The following HERC1 variants were observed in gnomAD, a reference collection of about 807,000 sequenced individuals.
HERC1 encodes the protein HECT and RLD domain containing E3 ubiquitin protein ligase family member 1, also known as probable E3 ubiquitin-protein ligase HERC1.
Under a neutral mutation model 554.3 loss-of-function variants are expected in HERC1, and 160 were observed. That is an observed-to-expected ratio of 0.29 (90% confidence interval 0.25 to 0.33). HERC1 has a LOEUF of 0.33. Among genes scored for constraint, HERC1 ranks in the 10% least tolerant of loss-of-function variants. The probability of loss-of-function intolerance (pLI) is 1.00; values close to 1 mark genes in which losing one functional copy is unlikely to be tolerated. For missense variants in HERC1, 4,919 were observed against 5,918.5 expected, an observed-to-expected ratio of 0.83 and a Z score of 5.54; for synonymous variants, 2,175 against 2,131.7, an observed-to-expected ratio of 1.02 and a Z score of -0.56.
chr15:63,659,845 G>C lies in HERC1; in HGVS notation c.9315C>G (p.Asp3105Glu). ...ELLAGPLGLN[D>E]RRIVPEPVQF... ...GAACTGGTTCTGGTACAATGCGCCG[G>C]TCATTTAAACCAAGCGGTCCAGCAA... The change falls in exon 47 of 78, where the codon GAC (aspartate) becomes GAG (glutamate). Residue 3105 changes from aspartate (D) to glutamate (E), a missense_variant. By Grantham distance (45) the Asp-to-Glu change is conservative. This residue lies in a region of HERC1 where 1,963 missense variants were observed against 2,228.6 expected (regional missense o/e 0.88). Coordinates refer to ENST00000443617, the MANE Select transcript of HERC1 (RefSeq NM_003922.4). The C allele has an allele frequency of 6.2e-7, 1 of 1,613,804 alleles. No homozygotes were observed. The highest frequency in any genetic ancestry group is 8.5e-7 in the Non-Finnish European group (1 of 1,179,768).
At chr15:63,747,583 G>A (rs1164900712) in intron 11 of HERC1, 141 bp downstream of exon 11, 4 of 488,082 alleles carry the variant, frequency 8.2e-6, no homozygotes, top group African/African-American at 7.9e-5. Context: ...CTCTTTTCTA[G>A]ATTATAAAAA....
chr15:63,820,494 T>A (rs557173613), intron 1 of HERC1, among the ~76,000 whole-genome samples: 1 of 152,318 alleles, frequency 6.6e-6, no homozygotes, highest in South Asian at 2.1e-4. Flanking sequence ...TTATTTCCAA[T>A]GCTATCAGTT....
In HERC1 at chr15:63,731,601, A is replaced by C. The variant is rs574587964; in HGVS notation, c.2868+1323T>G. ...AATTTACATTTTTAAATCTGAAAGA[A>C]AAGAATTTTGTAGGAAGAATGTTCA... On this transcript the variant is annotated intron_variant, in intron 14 of 77. Coordinates refer to ENST00000443617, the MANE Select transcript of HERC1 (RefSeq NM_003922.4). Among the ~76,000 whole-genome samples, 4 of 152,336 alleles carry C rather than the reference A, an allele frequency of 2.6e-5. No homozygotes were observed. In the South Asian group the frequency reaches 8.3e-4, roughly 32 times the overall value.
At chr15:63,632,021 T>C (rs1480824870) in intron 68 of HERC1, among the ~76,000 whole-genome samples, 1 of 152,238 alleles carries the variant, frequency 6.6e-6, no homozygotes. Context: ...TCAATCCTTC[T>C]GGAGTTCCAG....
Position 63,665,973 on chromosome 15 carries a change from G to A in HERC1, c.8501C>T (p.Pro2834Leu), listed in dbSNP as rs771777431. The A allele has an allele frequency of 1.2e-6, 2 of 1,613,890 alleles. No homozygotes were observed. The highest frequency in any genetic ancestry group is 2.2e-5 in the East Asian group (1 of 44,900). Reference sequence around the variant, plus strand: ...AGCATCAGCTGATGGTATGTCTCCAGGTGACTGCAAATAACAGGGATCATT... The same window carrying A: ...AGCATCAGCTGATGGTATGTCTCCAAGTGACTGCAAATAACAGGGATCATT... ...KSNDPCYLQS[P>L]GDIPSADAAE... Residue 2834 changes from proline to leucine, a missense_variant, in exon 42 of 78, where the codon CCT becomes CTT. By Grantham distance (98) the Pro-to-Leu change is moderately conservative. Transcript: ENST00000443617.
In HERC1 at chr15:63,753,039, A is replaced by T. The variant is rs997270033; in HGVS notation, c.1821T>A (p.Val607=). 6.2e-7 allele frequency: 1 copy of T among 1,613,210 alleles called. No individual in the cohort carries two copies. The highest frequency in any genetic ancestry group is 1.1e-5 in the South Asian group (1 of 91,010). The stretch of plus-strand genomic sequence containing the variant: ...TGAACATTCCTTGTAAAGCTTCAAT[A>T]ACTTTAGGTTTATACACTCTGTTGG... ...GDTNRVYKPK[V]IEALQGMFIR... Residue 607 remains valine (V), a synonymous_variant, in exon 8 of 78, where the codon GTT becomes GTA. Coordinates refer to ENST00000443617, the MANE Select transcript of HERC1 (RefSeq NM_003922.4).
At position 63,680,405 on chromosome 15, in the gene HERC1, G is replaced by T; in HGVS notation, c.6465+132C>A. The T allele has an allele frequency of 2.9e-6, 3 of 1,038,388 alleles. No individual in the cohort carries two copies. The highest frequency in any genetic ancestry group is 2.6e-5 in the East Asian group (1 of 38,364). The allele number at this position is 1,038,388 out of a possible 1,614,324, so 64.3% of individuals were successfully genotyped here. On this transcript the variant is annotated intron_variant, in intron 35 of 77. Transcript: ENST00000443617. The surrounding 1 kb of genome is among the most constrained non-coding windows in gnomAD (Gnocchi z 5.8). ...TGTTTGTTGTTAATAAATGTTTTAA[G>T]AACCAGAAAGTATTAGAGAGAAAGG... is the stretch of plus-strand genomic sequence containing the variant.
intron 25 of HERC1, among the ~76,000 whole-genome samples, chr15:63,704,303 G>T (rs893559058): frequency 6.6e-6 from 1 of 152,170 alleles, no homozygotes; most frequent in Middle Eastern, 3.2e-3. Context: ...GAAAGATGAA[G>T]ATTCTACTTT....
chr15:63,622,326 CT>C (rs35490295), intron 74 of HERC1, among the ~76,000 whole-genome samples: 2,328 of 117,524 alleles, frequency 0.02, 25 homozygotes, highest in Admixed American at 0.038. Flanking sequence ...TGCCTGTTTC[CT>C]TTTTTTTTTT....
intron 1 of HERC1, among the ~76,000 whole-genome samples, chr15:63,782,588 A>C (rs2076319169): frequency 6.6e-6 from 1 of 152,200 alleles, no homozygotes. Context: ...ATGCCTACTA[A>C]ACACAACATC....
intron 44 of HERC1, 60 bp downstream of exon 44, chr15:63,662,924 C>G: frequency 7.8e-7 from 1 of 1,280,706 alleles, no homozygotes; most frequent in Non-Finnish European, 1.1e-6. Flanking sequence ...TGTTAGTAAG[C>G]TATATGAACA....
intron 1 of HERC1, among the ~76,000 whole-genome samples, chr15:63,794,043 T>A (rs1405363611): frequency 6.6e-6 from 1 of 152,032 alleles, no homozygotes; most frequent in East Asian, 1.9e-4. Flanking sequence ...ACTGCTACAC[T>A]CCCATCAGCG....
chr15:63,700,708 C>CAA (rs11314964), intron 25 of HERC1, among the ~76,000 whole-genome samples: 157 of 64,282 alleles, frequency 2.4e-3, no homozygotes, highest in African/African-American at 3.6e-3. Context: ...GACCCTGCCT[C>CAA]AAAAAAAAAA....
At chr15:63,688,179 G>T (rs558948333) in intron 33 of HERC1, among the ~76,000 whole-genome samples, 1 of 152,310 alleles carries the variant, frequency 6.6e-6, no homozygotes, top group South Asian at 2.1e-4. Context: ...ATAGGGTGAT[G>T]ACAGAAGAGA....
chr15:63,785,952 C>T (rs1258578688), intron 1 of HERC1, among the ~76,000 whole-genome samples: 1 of 152,076 alleles, frequency 6.6e-6, no homozygotes, highest in Non-Finnish European at 1.5e-5. Context: ...GCAATCTTCC[C>T]ACTTGGGCCT....
In HERC1 at chr15:63,623,934, A is replaced by C. The variant is rs367884370; in HGVS notation, c.13446-44T>G. On this transcript the variant is annotated intron_variant, in intron 72 of 77. Coordinates refer to ENST00000443617, the MANE Select transcript of HERC1 (RefSeq NM_003922.4). The stretch of plus-strand genomic sequence containing the variant: ...AAGCAATGAAATACAACTCTTACCA[A>C]TTTCCCCAAAATCACATGATATCTT... The C allele has an allele frequency of 6.3e-6, 10 of 1,591,726 alleles. No individual in the cohort carries two copies. In the Admixed American group the frequency reaches 1.7e-4, roughly 27 times the overall value.
chr15:63,686,474 G>T lies in HERC1; in HGVS notation c.6110C>A (p.Pro2037Gln), dbSNP rs768307641. The T allele has an allele frequency of 5.0e-6, 8 of 1,613,748 alleles. No homozygotes were observed. In the South Asian group the frequency reaches 8.8e-5, roughly 18 times the overall value. Residue 2037 changes from proline (P) to glutamine (Q), a missense_variant, in exon 34 of 78, where the codon CCG becomes CAG. Transcript: ENST00000443617. ...NLPIQEVSFDPEKAQCCLVEN... is the reference protein window; with the variant it reads ...NLPIQEVSFDQEKAQCCLVEN... Reference sequence around the variant, plus strand: ...CACTAGGCAACACTGAGCTTTCTCCGGGTCAAAGGATACTTCTTGGATAGG... The same window carrying T: ...CACTAGGCAACACTGAGCTTTCTCCTGGTCAAAGGATACTTCTTGGATAGG...
At chr15:63,713,720 G>T (rs2073413515) in intron 22 of HERC1, 55 bp from the exon 23 acceptor site, 2 of 1,442,696 alleles carry the variant, frequency 1.4e-6, no homozygotes, top group Non-Finnish European at 1.9e-6. Context: ...GAAGAGCAAA[G>T]AAAATAACAA....
At chr15:63,743,749 C>G (rs1230146012) in intron 12 of HERC1, among the ~76,000 whole-genome samples, 1 of 152,206 alleles carries the variant, frequency 6.6e-6, no homozygotes, top group Non-Finnish European at 1.5e-5. Context: ...CTTTGACTTT[C>G]CTCAACAAAG....
Sources: gnomAD v4.1 joint callset for allele counts (sites outside exome capture counted in the v4.1 genomes callset) on GRCh38, gnomAD v4.1.1 for gene constraint, gnomAD v4.1.1 regional missense constraint, Gnocchi (gnomAD v3.1) non-coding constraint, MANE v1.5 for transcripts, NCBI Gene and HGNC (gene_info 2026-07-23, HGNC 2026-07-21) for gene names.